The following MSI2 variants were observed in gnomAD, a reference collection of about 807,000 sequenced individuals.
MSI2 encodes RNA-binding protein Musashi homolog 2.
A neutral mutation model predicts 45.6 loss-of-function variants in MSI2; 17 were observed. That is an observed-to-expected ratio of 0.37 (90% confidence interval 0.26 to 0.56). The LOEUF is 0.56. Ranked by LOEUF, MSI2 falls within the 20% of genes least tolerant of loss-of-function variation. The pLI, the probability that MSI2 is intolerant of heterozygous loss-of-function variation, is 0.77. For synonymous variants in MSI2, 156 were observed against 158.2 expected (o/e 0.99, Z 0.11); for missense variants, 293 against 444.2 (o/e 0.66, Z 3.06).
intron 6 of MSI2, among the ~76,000 whole-genome samples, chr17:57,438,344 TG>T (rs1157267698): frequency 4.6e-5 from 7 of 152,274 alleles, no homozygotes; most frequent in African/African-American, 1.4e-4. Flanking sequence ...CAGAAGGGGC[TG>T]GCCGCAGAGA....
At chr17:57,471,557 TC>T (rs992855533) in intron 6 of MSI2, among the ~76,000 whole-genome samples, 3 of 152,138 alleles carry the variant, frequency 2.0e-5, no homozygotes. Context: ...GACCTGTTGA[TC>T]ATAAATGCCT....
chr17:57,313,979 C>T (rs1036678875), intron 5 of MSI2, among the ~76,000 whole-genome samples: 4 of 152,076 alleles, frequency 2.6e-5, no homozygotes, highest in African/African-American at 7.2e-5. Context: ...ACGGACTAGG[C>T]GGCTTCTACA....
chr17:57,426,168 A>C (rs917086630), intron 6 of MSI2, among the ~76,000 whole-genome samples: 4 of 152,186 alleles, frequency 2.6e-5, no homozygotes, highest in African/African-American at 4.8e-5. Context: ...ATGGTGGCAA[A>C]TAAAATGTTT....
At chr17:57,377,742 TAG>T (rs1299818420) in intron 5 of MSI2, among the ~76,000 whole-genome samples, 1 of 152,114 alleles carries the variant, frequency 6.6e-6, no homozygotes, top group Non-Finnish European at 1.5e-5. Flanking sequence ...AGGATAGAAC[TAG>T]ATAGAACCTG....
intron 5 of MSI2, among the ~76,000 whole-genome samples, chr17:57,371,132 A>G (rs1023707765): frequency 2.6e-4 from 39 of 152,190 alleles, no homozygotes; most frequent in African/African-American, 9.2e-4. Context: ...GCCCCGTAAA[A>G]TAGATACATC....
At chr17:57,380,508 C>T (rs754965992) in intron 5 of MSI2, among the ~76,000 whole-genome samples, 5 of 152,180 alleles carry the variant, frequency 3.3e-5, no homozygotes, top group Non-Finnish European at 5.9e-5. Flanking sequence ...GGCCTCCTAA[C>T]AGGGAGAGTG....
chr17:57,304,614 G>A (rs1212836925), intron 5 of MSI2, among the ~76,000 whole-genome samples: 2 of 151,670 alleles, frequency 1.3e-5, no homozygotes, highest in Non-Finnish European at 2.9e-5. Flanking sequence ...ATAGAGACAG[G>A]GTTTCACTAT....
upstream of MSI2, among the ~76,000 whole-genome samples, chr17:57,256,241 G>C (rs956679201): frequency 6.6e-6 from 1 of 151,858 alleles, no homozygotes; most frequent in African/African-American, 2.4e-5. Context: ...GTCGGGGTGC[G>C]CTCCCCCTCG....
At chr17:57,637,757 A>G (rs539100190) in intron 10 of MSI2, among the ~76,000 whole-genome samples, 1 of 152,352 alleles carries the variant, frequency 6.6e-6, no homozygotes, top group South Asian at 2.1e-4. Context: ...GGTTAGTGTC[A>G]TGACCAAGGA....
At chr17:57,358,202 G>GGT (rs1555586783) in intron 5 of MSI2, among the ~76,000 whole-genome samples, 3 of 150,614 alleles carry the variant, frequency 2.0e-5, no homozygotes, top group Non-Finnish European at 4.4e-5. Flanking sequence ...TGTGTGTGGG[G>GGT]GGGTGTGTGT....
At chr17:57,397,582 A>C (rs2083913751) in intron 5 of MSI2, among the ~76,000 whole-genome samples, 1 of 152,230 alleles carries the variant, frequency 6.6e-6, no homozygotes, top group African/African-American at 2.4e-5. Context: ...TGGCAAGGAA[A>C]CCGAGAGAAG....
chr17:57,678,701 C>T (rs2144762046), intron 13 of MSI2, among the ~76,000 whole-genome samples: 1 of 152,306 alleles, frequency 6.6e-6, no homozygotes, highest in African/African-American at 2.4e-5. Flanking sequence ...ATGGGGGAGG[C>T]TGCTACCAGC....
In MSI2 at chr17:57,407,887, G is replaced by A. The variant is rs1277508987; in HGVS notation, c.405+6416G>A. Among the ~76,000 whole-genome samples the A allele has an allele frequency of 6.6e-6, 1 of 152,156 alleles. No individual in the cohort carries two copies. The highest frequency in any genetic ancestry group is 2.4e-5 in the African/African-American group (1 of 41,426). The stretch of plus-strand genomic sequence containing the variant: ...CTCCCTCTGGAAGTGTGTCATAAGG[G>A]GAGGGGACTTTATTTGCCCCCTGAC... On this transcript the variant is annotated intron_variant, in intron 6 of 13. Coordinates refer to ENST00000284073, the MANE Select transcript of MSI2 (RefSeq NM_138962.4). This position sits in a 1 kb window ranked among gnomAD's most constrained non-coding sequence, Gnocchi z 4.1.
intron 7 of MSI2, among the ~76,000 whole-genome samples, chr17:57,547,243 G>A (rs868176939): frequency 8.5e-5 from 13 of 152,172 alleles, no homozygotes; most frequent in Non-Finnish European, 1.6e-4. Context: ...GCAGACAAGC[G>A]CTGGATGGTA....
At chr17:57,341,266 A>AGCTCGCAGTGGT (rs1428929293) in intron 5 of MSI2, among the ~76,000 whole-genome samples, 1 of 152,192 alleles carries the variant, frequency 6.6e-6, no homozygotes, top group Non-Finnish European at 1.5e-5. Flanking sequence ...CATCTTATCC[A>AGCTCGCAGTGGT]GCTCGCAGTG....
intron 7 of MSI2, among the ~76,000 whole-genome samples, chr17:57,557,948 C>T (rs1000677614): frequency 3.3e-5 from 5 of 152,270 alleles, no homozygotes; most frequent in South Asian, 2.1e-4. Context: ...TGAGGACCTC[C>T]GGGGCTGCAG....
chr17:57,693,127 T>C, the MSI2 span, among the ~76,000 whole-genome samples: 1 of 152,156 alleles, frequency 6.6e-6, no homozygotes, highest in Non-Finnish European at 1.5e-5. Context: ...GTACTCTTTT[T>C]TTAACTCTTT....
downstream of MSI2, among the ~76,000 whole-genome samples, chr17:57,686,635 T>C (rs1913890806): frequency 1.3e-5 from 2 of 152,108 alleles, no homozygotes; most frequent in African/African-American, 2.4e-5. Flanking sequence ...CAGAGTGGAA[T>C]TTAAGGTTAA....
At chr17:57,418,573 G>A (rs1419060480) in intron 6 of MSI2, among the ~76,000 whole-genome samples, 4 of 152,196 alleles carry the variant, frequency 2.6e-5, no homozygotes, top group Non-Finnish European at 4.4e-5. Context: ...GCTGTGGGGT[G>A]CTCTTGCTCA....
Sources: gnomAD v4.1 joint callset for allele counts (sites outside exome capture counted in the v4.1 genomes callset) on GRCh38, gnomAD v4.1.1 for gene constraint, Gnocchi (gnomAD v3.1) non-coding constraint, MANE v1.5 for transcripts, NCBI Gene and HGNC (gene_info 2026-07-23, HGNC 2026-07-21) for gene names.